Variants in BIRC6 observed in about 807,000 individuals in gnomAD.
BIRC6 encodes dual E2 ubiquitin-conjugating enzyme/E3 ubiquitin-protein ligase BIRC6.
In BIRC6, 98 loss-of-function variants were observed where a neutral mutation model predicts 503.3. That is an observed-to-expected ratio of 0.19 (90% CI 0.17 to 0.23). The LOEUF (loss-of-function observed/expected upper bound fraction) is 0.23, where lower values mean the gene tolerates loss of function less well. BIRC6 is among the 10% of genes least tolerant of loss of function. The pLI, the probability that BIRC6 is intolerant of heterozygous loss-of-function variation, is 1.00. For missense variants in BIRC6, 5,360 were observed against 5,806.0 expected, an observed-to-expected ratio of 0.92 and a Z score of 2.50; for synonymous variants, 2,240 against 2,078.7, an observed-to-expected ratio of 1.08 and a Z score of -2.11.
chr2:32,507,934 T>C, intron 50 of BIRC6, 46 bp from the exon 51 acceptor site: 1 of 1,560,708 alleles, frequency 6.4e-7, no homozygotes, highest in South Asian at 1.2e-5. Context: ...CTGTTCAATC[T>C]AGTATACTTT....
In BIRC6 at chr2:32,473,308, T is replaced by C. The variant is rs72867284; in HGVS notation, c.6720+69T>C. ...TGTTTTGGAGTTTGCATGAGACAGATGTGCCATCAGATGTGAGGTATAACA... is the reference window on the plus strand; with the variant it reads ...TGTTTTGGAGTTTGCATGAGACAGACGTGCCATCAGATGTGAGGTATAACA... On this transcript the variant is annotated intron_variant, in intron 33 of 73. Coordinates refer to ENST00000421745, the MANE Select transcript of BIRC6 (RefSeq NM_016252.4). The C allele has an allele frequency of 3.7e-3, 4,781 of 1,309,552 alleles. 137 individuals carry two copies. In the African/African-American group the frequency reaches 0.063, roughly 17 times the overall value. The allele number at this position is 1,309,552 out of a possible 1,614,324, so 81.1% of individuals were successfully genotyped here. A position where few individuals can be genotyped will look rare whatever the true frequency, so the allele number is the denominator to read the frequency against.
Position 32,401,156 on chromosome 2 carries a change from T to C in BIRC6, c.1035-7T>C, listed in dbSNP as rs769215056. 6.2e-6 allele frequency: 10 copies of C among 1,611,460 alleles called. No homozygotes were observed. The highest frequency in any genetic ancestry group is 8.5e-6 in the Non-Finnish European group (10 of 1,177,752). ...AGTAAACTTTTCCTTTCTAAATCTA[T>C]GCAAAGGTCTGAACACGAAAGACAT... On this transcript the variant is annotated splice_polypyrimidine_tract_variant and splice_region_variant and intron_variant, in intron 6 of 73. Coordinates refer to ENST00000421745, the MANE Select transcript of BIRC6 (RefSeq NM_016252.4).
intron 23 of BIRC6, among the ~76,000 whole-genome samples, chr2:32,455,421 G>C (rs2047147427): frequency 6.7e-6 from 1 of 149,442 alleles, no homozygotes; most frequent in Non-Finnish European, 1.5e-5. Flanking sequence ...CCTGGTTTGA[G>C]ACAAGCCTGG....
At chr2:32,381,859 A>C (rs1029183975) in intron 3 of BIRC6, among the ~76,000 whole-genome samples, 2 of 151,522 alleles carry the variant, frequency 1.3e-5, no homozygotes, top group African/African-American at 4.9e-5. Flanking sequence ...GCTTTTTTTC[A>C]CTCAAGAATT....
Position 32,464,540 on chromosome 2 carries a change from C to A in BIRC6, c.4973C>A (p.Thr1658Lys), listed in dbSNP as rs1042857112. 1.3e-6 allele frequency: 2 copies of A among 1,589,518 alleles called. No homozygotes were observed. The highest frequency in any genetic ancestry group is 1.7e-6 in the Non-Finnish European group (2 of 1,166,960). Residue 1658 changes from threonine (T) to lysine (K), a missense_variant, in exon 25 of 74, where the codon ACA (threonine) becomes AAA (lysine). Around this residue, in one of 16 missense-constraint regions of BIRC6, gnomAD observed 2,299 missense variants for 2,267.2 expected, o/e 1.01. Coordinates refer to ENST00000421745, the MANE Select transcript of BIRC6 (RefSeq NM_016252.4). ...AAGCTGGAAGCCAAGTTACATCAGACAACAGCTGCAGCAGCTGCAGCAGCA... is the reference window on the plus strand; with the variant it reads ...AAGCTGGAAGCCAAGTTACATCAGAAAACAGCTGCAGCAGCTGCAGCAGCA... ...KAKLEAKLHQ[T>K]TAAAAAAASA... is the part of the protein sequence containing the mutation.
Position 32,442,047 on chromosome 2 carries a change from T to C in BIRC6, c.3945-18T>C. 3 of 1,506,764 alleles carry C rather than the reference T, an allele frequency of 2.0e-6. No homozygotes were observed. Among genetic ancestry groups the C allele is most frequent in the Non-Finnish European group, 2.7e-6 (3 of 1,129,370 alleles). 93.3% of individuals were successfully genotyped at this position (1,506,764 alleles called of 1,614,324 possible). A position where few individuals can be genotyped will look rare whatever the true frequency, so the allele number is the denominator to read the frequency against. On this transcript the variant is annotated intron_variant, in intron 17 of 73. Coordinates refer to ENST00000421745, the MANE Select transcript of BIRC6 (RefSeq NM_016252.4). ...TCTGTTTTGTTTGGTAATGTGTTTA[T>C]ATTTTCTTTTTTTGTAGAGTGCAAC...
intron 26 of BIRC6, among the ~76,000 whole-genome samples, chr2:32,467,118 C>CAA (rs1207152761): frequency 0.027 from 2,181 of 81,924 alleles, 43 homozygotes; most frequent in African/African-American, 0.089. Flanking sequence ...GACTCCGTCT[C>CAA]AAAAAAAAAA....
chr2:32,504,939 A>G (rs926626003), intron 49 of BIRC6, 66 bp from the exon 50 acceptor site: 2 of 1,357,890 alleles, frequency 1.5e-6, no homozygotes, highest in Admixed American at 2.1e-5. Context: ...GTATTTGTAT[A>G]GATTTTAAAG....
rs61754133 is a variant in BIRC6 at position 32,467,617 on chromosome 2, A to G, written c.5449A>G (p.Ile1817Val). The G allele has an allele frequency of 2.7e-4, 434 of 1,613,894 alleles. 3 individuals are homozygous for G. Among genetic ancestry groups the G allele is most frequent in the Admixed American group, 3.3e-4 (20 of 60,016 alleles). Residue 1817 changes from isoleucine to valine, a missense_variant, in exon 27 of 74, where the codon ATT (isoleucine) becomes GTT (valine). By Grantham distance (29) the Ile-to-Val change is conservative (BLOSUM62 3). Coordinates refer to ENST00000421745, the MANE Select transcript of BIRC6 (RefSeq NM_016252.4). ...PTCGDLASLSIDIWTLGEEVD... is the reference protein window; with the variant it reads ...PTCGDLASLSVDIWTLGEEVD... The stretch of plus-strand genomic sequence containing the variant: ...TTGTGGAGACTTGGCCTCTTTGTCA[A>G]TTGACATTTGGACATTAGGAGAAGA...
chr2:32,498,304 A>G (rs1046472556), intron 45 of BIRC6, among the ~76,000 whole-genome samples: 5 of 152,306 alleles, frequency 3.3e-5, no homozygotes, highest in Admixed American at 2.0e-4. Context: ...AGCTCAAGCA[A>G]TCCACCCGTG....
At chr2:32,392,750 G>C (rs2039400751) in intron 5 of BIRC6, among the ~76,000 whole-genome samples, 1 of 151,678 alleles carries the variant, frequency 6.6e-6, no homozygotes, top group Admixed American at 6.6e-5. Context: ...CAGCCTCCCT[G>C]AGTAGCTGAG....
intron 38 of BIRC6, among the ~76,000 whole-genome samples, chr2:32,481,857 ACATT>A (rs1367368574): frequency 6.6e-6 from 1 of 152,168 alleles, no homozygotes; most frequent in Non-Finnish European, 1.5e-5. Context: ...AAATATACAT[ACATT>A]ACCACTAATG....
At chr2:32,420,852 T>C (rs1265166382) in intron 10 of BIRC6, among the ~76,000 whole-genome samples, 2 of 151,970 alleles carry the variant, frequency 1.3e-5, no homozygotes, top group Admixed American at 6.6e-5. Context: ...TTTAGGGATG[T>C]CACCACTCTC....
chr2:32,578,096 G>A (rs1486870103), intron 66 of BIRC6, among the ~76,000 whole-genome samples: 2 of 152,102 alleles, frequency 1.3e-5, no homozygotes, highest in Admixed American at 1.3e-4. Context: ...CTGCTAATCT[G>A]TGCAGCCTCT....
intron 30 of BIRC6, among the ~76,000 whole-genome samples, chr2:32,469,935 G>A (rs2048944300): frequency 6.6e-6 from 1 of 152,086 alleles, no homozygotes; most frequent in Admixed American, 6.5e-5. Context: ...CATTCACTAA[G>A]TGCTTGATTT....
chr2:32,611,951 C>T (rs1572405172), intron 73 of BIRC6, among the ~76,000 whole-genome samples: 1 of 152,190 alleles, frequency 6.6e-6, no homozygotes, highest in African/African-American at 2.4e-5. Context: ...TCATGACTCT[C>T]TGTAACCTTG....
chr2:32,570,175 T>C (rs1362404763), intron 65 of BIRC6, among the ~76,000 whole-genome samples: 1 of 152,242 alleles, frequency 6.6e-6, no homozygotes, highest in Non-Finnish European at 1.5e-5. Flanking sequence ...TATAGAGTTT[T>C]TGTCCTTTAT....
intron 73 of BIRC6, among the ~76,000 whole-genome samples, chr2:32,614,206 A>T (rs887720197): frequency 6.6e-6 from 1 of 152,182 alleles, no homozygotes; most frequent in Non-Finnish European, 1.5e-5. Context: ...GTATTACTTC[A>T]TGAGGGGACT....
intron 29 of BIRC6, among the ~76,000 whole-genome samples, chr2:32,468,995 T>C (rs1223446348): frequency 6.6e-6 from 1 of 152,244 alleles, no homozygotes; most frequent in African/African-American, 2.4e-5. Context: ...TTTGGGTTTC[T>C]GGTATTGACA....
Sources: gnomAD v4.1 joint callset for allele counts (sites outside exome capture counted in the v4.1 genomes callset) on GRCh38, gnomAD v4.1.1 for gene constraint, gnomAD v4.1.1 regional missense constraint, MANE v1.5 for transcripts, NCBI Gene and HGNC (gene_info 2026-07-23, HGNC 2026-07-21) for gene names.